Variants in VWA5B1 observed in about 807,000 individuals in gnomAD.
VWA5B1 encodes the protein von Willebrand factor A domain-containing protein 5B1.
Under a neutral mutation model 118.2 loss-of-function variants are expected in VWA5B1, and 115 were observed. That is an observed-to-expected ratio of 0.97 (90% CI 0.84 to 1.14). The LOEUF is 1.14. Ranked by LOEUF, VWA5B1 falls within the 50% of genes most tolerant of loss-of-function variation. The probability of loss-of-function intolerance (pLI) is 0.00; values close to 1 mark genes in which losing one functional copy is unlikely to be tolerated. For missense variants in VWA5B1, 1,596 were observed against 1,603.8 expected, an observed-to-expected ratio of 1.00 and a Z score of 0.08; for synonymous variants, 682 against 658.4, an observed-to-expected ratio of 1.04 and a Z score of -0.55.
At chr1:20,309,629 G>T (rs2088781373) in intron 1 of VWA5B1, among the ~76,000 whole-genome samples, 1 of 152,228 alleles carries the variant, frequency 6.6e-6, no homozygotes, top group African/African-American at 2.4e-5. Flanking sequence ...CTTAAGCTTT[G>T]GTTCTCTGTC....
intron 16 of VWA5B1, 149 bp downstream of exon 16, chr1:20,343,542 C>A (rs2100992457): frequency 2.2e-6 from 3 of 1,340,224 alleles, no homozygotes; most frequent in Admixed American, 5.8e-5. Flanking sequence ...ACCCCACCCC[C>A]TCCTCACAGC....
rs2090232490 is a variant in VWA5B1, at chr1:20,356,503, T to G, written c.*2240T>G. 6.6e-6 allele frequency among the ~76,000 whole-genome samples: 1 copy of G among 152,180 alleles called. No individual in the cohort carries two copies. The highest frequency in any genetic ancestry group is 2.4e-5 in the African/African-American group (1 of 41,454). Reference sequence around the variant, plus strand: ...CCCTGCCCCACCAGATGAGTCTGATTCTGGGTCTCCAGGCCTCAGCCTGGA... The same window carrying G: ...CCCTGCCCCACCAGATGAGTCTGATGCTGGGTCTCCAGGCCTCAGCCTGGA... On this transcript the variant is annotated 3_prime_UTR_variant, in exon 22 of 22. Transcript: ENST00000289815.
At chr1:20,340,971 G>T (rs12124623) in intron 14 of VWA5B1, among the ~76,000 whole-genome samples, 12,948 of 152,224 alleles carry the variant, frequency 0.085, 789 homozygotes, top group South Asian at 0.19. Flanking sequence ...ATTTAAAAGT[G>T]AATTTACCCT....
intron 1 of VWA5B1, among the ~76,000 whole-genome samples, chr1:20,305,987 G>A (rs1016985491): frequency 6.6e-6 from 1 of 152,062 alleles, no homozygotes; most frequent in African/African-American, 2.4e-5. Flanking sequence ...CTTTCTATGA[G>A]GGCAAGCACA....
intron 1 of VWA5B1, among the ~76,000 whole-genome samples, chr1:20,297,996 A>ATTTTTTTTTTTTTTTTTTT (rs60497976): frequency 9.5e-5 from 12 of 126,642 alleles, no homozygotes; most frequent in African/African-American, 1.2e-4. Context: ...TCGGTGGTGG[A>ATTTTTTTTTTTTTTTTTTT]TTTTTTTTTT....
Position 20,337,667 on chromosome 1 carries a change from G to A in VWA5B1, c.1964G>A (p.Arg655Gln), listed in dbSNP as rs1352324720. ...CCAGATCTGAACCTCTCTCAGCGAC[G>A]GAGGGCATACAGCACCAACCAGATC... ...TKHDLNLSQR[R>Q]RAYSTNQITN... Residue 655 changes from arginine (R) to glutamine (Q), a missense_variant, in exon 14 of 22, where the codon CGG becomes CAG. Physicochemically the swap from Arg to Gln is conservative, Grantham distance 43 (BLOSUM62 1). Coordinates refer to ENST00000289815, the MANE Select transcript of VWA5B1 (RefSeq NM_001039500.3). The A allele has an allele frequency of 1.4e-5, 22 of 1,551,462 alleles. No individual in the cohort carries two copies. The highest frequency in any genetic ancestry group is 2.4e-5 in the East Asian group (1 of 40,926).
rs572598532 is a variant in VWA5B1, at chr1:20,324,287, C to T, written c.1143+755C>T. On this transcript the variant is annotated intron_variant, in intron 8 of 21. Coordinates refer to ENST00000289815, the MANE Select transcript of VWA5B1 (RefSeq NM_001039500.3). The stretch of plus-strand genomic sequence containing the variant: ...TCAGAATACATGGGAGCTTGGTCTC[C>T]CTGCTAAGGAGAGCTCCTCAGGAGG... 2.1e-4 allele frequency among the ~76,000 whole-genome samples: 32 copies of T among 152,296 alleles called. 1 individual carries two copies. In the South Asian group the frequency reaches 6.6e-3, roughly 32 times the overall value.
chr1:20,296,500 CACA>C (rs1174710757), intron 1 of VWA5B1, among the ~76,000 whole-genome samples: 1 of 152,144 alleles, frequency 6.6e-6, no homozygotes, highest in Non-Finnish European at 1.5e-5. Context: ...AGAGAATATG[CACA>C]ACAATGAGTT....
At chr1:20,296,944 C>A (rs1188716381) in intron 1 of VWA5B1, among the ~76,000 whole-genome samples, 1 of 152,226 alleles carries the variant, frequency 6.6e-6, no homozygotes, top group East Asian at 1.9e-4. Flanking sequence ...TTCACTTTTG[C>A]CTTTCAGGCC....
intron 7 of VWA5B1, among the ~76,000 whole-genome samples, chr1:20,322,916 C>A (rs1228610938): frequency 1.3e-5 from 2 of 152,124 alleles, no homozygotes; most frequent in East Asian, 3.9e-4. Flanking sequence ...ACCAAGGAAA[C>A]CCAGTTCACA....
Position 20,342,598 on chromosome 1 carries a change from C to T in VWA5B1, c.2300C>T (p.Pro767Leu). Residue 767 changes from proline to leucine, a missense_variant, in exon 15 of 22, where the codon CCT (proline) becomes CTT (leucine). Transcript: ENST00000289815. ...GAGCGGACTTCTGACAGCCGAAGCC[C>T]TGGAGATCTGGGTAAGTGACCACAG... ...VRERTSDSRS[P>L]GDLEPSHHPS... 2.0e-6 allele frequency: 3 copies of T among 1,488,594 alleles called. No individual in the cohort carries two copies. The highest frequency in any genetic ancestry group is 2.7e-6 in the Non-Finnish European group (3 of 1,119,614). The allele number at this position is 1,488,594 out of a possible 1,614,324, so 92.2% of individuals were successfully genotyped here.
rs370519168 is a variant in VWA5B1, at chr1:20,318,622, G to A, written c.742G>A (p.Asp248Asn). 1.0e-4 allele frequency: 158 copies of A among 1,551,108 alleles called. No homozygotes were observed. Among genetic ancestry groups the A allele is most frequent in the Admixed American group, 6.3e-4 (32 of 50,928 alleles). ...GAGTCCCACTCATGAGATTCGTGCC[G>A]ACGCCGCCCCATCTGCCCGCTCGGC... The part of the protein sequence containing the change: ...VESPTHEIRA[D>N]AAPSARSAKS... Residue 248 changes from aspartate (D) to asparagine (N), a missense_variant, in exon 6 of 22, where the codon GAC (aspartate) becomes AAC (asparagine). By Grantham distance (23) the Asp-to-Asn change is conservative. Transcript: ENST00000289815.
At chr1:20,301,370 TAAGA>T (rs2088498926) in intron 1 of VWA5B1, among the ~76,000 whole-genome samples, 2 of 152,136 alleles carry the variant, frequency 1.3e-5, no homozygotes, top group Admixed American at 1.3e-4. Flanking sequence ...TCAATAACCC[TAAGA>T]AAGAGAAGAC....
At chr1:20,348,167 T>G (rs1431449861) in intron 17 of VWA5B1, 78 bp from the exon 18 acceptor site, 6 of 1,297,124 alleles carry the variant, frequency 4.6e-6, no homozygotes, top group Non-Finnish European at 6.5e-6. Flanking sequence ...CCAGAATCAT[T>G]CCTGTCAGCT....
At chr1:20,343,016 C>G (rs1038116877) in intron 15 of VWA5B1, 63 bp from the exon 16 acceptor site, 1 of 1,464,634 alleles carries the variant, frequency 6.8e-7, no homozygotes, top group African/African-American at 1.4e-5. Flanking sequence ...GAATGATGTC[C>G]CCTGGGAGTT....
intron 6 of VWA5B1, 95 bp downstream of exon 6, chr1:20,318,816 T>C: frequency 7.1e-7 from 1 of 1,403,002 alleles, no homozygotes; most frequent in South Asian, 1.7e-5. Context: ...GCCCAGCAGC[T>C]AGCTAGCCAG....
intron 17 of VWA5B1, among the ~76,000 whole-genome samples, chr1:20,346,005 A>C (rs1433464100): frequency 6.6e-6 from 1 of 152,244 alleles, no homozygotes; most frequent in African/African-American, 2.4e-5. Context: ...TATGGATATC[A>C]GCATGTAGAG....
At position 20,314,444 on chromosome 1, in the gene VWA5B1, G is replaced by A. The variant is rs758536052; in HGVS notation, c.415G>A (p.Glu139Lys). 5 of 1,551,844 alleles carry A rather than the reference G, an allele frequency of 3.2e-6. No homozygotes were observed. The highest frequency in any genetic ancestry group is 2.6e-6 in the Non-Finnish European group (3 of 1,147,032). The change falls in exon 4 of 22, where the codon GAG becomes AAG. Residue 139 changes from glutamate to lysine, a missense_variant. Physicochemically the swap from Glu to Lys is moderately conservative, Grantham distance 56. Coordinates refer to ENST00000289815, the MANE Select transcript of VWA5B1 (RefSeq NM_001039500.3). ...VANLGTIAPM[E>K]NVTIFISTSS... ...CAACCTGGGGACCATTGCCCCCATG[G>A]AGAATGTCACCATCTTCATCAGCAC...
At chr1:20,343,436 G>A (rs928986774) in intron 16 of VWA5B1, 43 bp downstream of exon 16, 26 of 1,475,100 alleles carry the variant, frequency 1.8e-5, no homozygotes, top group Non-Finnish European at 2.2e-5. Flanking sequence ...ACGGCCTCCG[G>A]AGGACAGCCC....
Sources: gnomAD v4.1 joint callset for allele counts (sites outside exome capture counted in the v4.1 genomes callset) on GRCh38, gnomAD v4.1.1 for gene constraint, MANE v1.5 for transcripts, NCBI Gene and HGNC (gene_info 2026-07-23, HGNC 2026-07-21) for gene names.